The following VDAC1 variants were observed in gnomAD, a reference collection of about 807,000 sequenced individuals.
VDAC1 encodes the protein voltage dependent anion channel 1.
VDAC1 carries 10 observed loss-of-function variants against 34.7 expected under a neutral mutation model. The observed-to-expected ratio is 0.29, with a 90% confidence interval of 0.18 to 0.49. VDAC1 has a LOEUF of 0.49. Among genes scored for constraint, VDAC1 ranks in the 20% least tolerant of loss-of-function variants. VDAC1 has a pLI of 0.99. For missense variants in VDAC1, 230 were observed against 347.9 expected, an observed-to-expected ratio of 0.66 and a Z score of 2.69; for synonymous variants, 130 against 136.0, an observed-to-expected ratio of 0.96 and a Z score of 0.30.
the VDAC1 span, among the ~76,000 whole-genome samples, chr5:134,086,135 G>A: frequency 6.6e-6 from 1 of 152,216 alleles, no homozygotes; most frequent in African/African-American, 2.4e-5. Context: ...GGCAGAGGTT[G>A]CAGTGAGCCA....
At chr5:134,040,938 G>A in the VDAC1 span, among the ~76,000 whole-genome samples, 2 of 152,188 alleles carry the variant, frequency 1.3e-5, no homozygotes, top group Non-Finnish European at 1.5e-5. Context: ...AATTTTGTGT[G>A]TGTGTTTTTC....
the VDAC1 span, among the ~76,000 whole-genome samples, chr5:134,022,054 T>C: frequency 6.6e-6 from 1 of 152,140 alleles, no homozygotes; most frequent in Non-Finnish European, 1.5e-5. Context: ...TAGTTTTGTA[T>C]TTTTAGTAGA....
chr5:133,993,601 A>G (rs972581061), intron 1 of VDAC1, among the ~76,000 whole-genome samples: 1 of 152,246 alleles, frequency 6.6e-6, no homozygotes, highest in Non-Finnish European at 1.5e-5. Flanking sequence ...TATTTCTCAT[A>G]GAGAATACAG....
the VDAC1 span, among the ~76,000 whole-genome samples, chr5:134,102,142 C>T: frequency 2.0e-5 from 3 of 152,144 alleles, no homozygotes; most frequent in East Asian, 1.9e-4. Context: ...TTGAGAGGCA[C>T]GGCCCCTTCC....
At chr5:134,024,477 C>T in the VDAC1 span, among the ~76,000 whole-genome samples, 1 of 147,880 alleles carries the variant, frequency 6.8e-6, no homozygotes, top group Admixed American at 6.8e-5. Context: ...TGCAGTGAGC[C>T]GAGCTTGCAC....
the VDAC1 span, among the ~76,000 whole-genome samples, chr5:134,048,204 G>A: frequency 8.5e-5 from 13 of 152,070 alleles, no homozygotes; most frequent in East Asian, 1.7e-3. Context: ...TCCTGACCTC[G>A]TGATCTGCCT....
the VDAC1 span, among the ~76,000 whole-genome samples, chr5:134,032,131 A>AAAAAAAAAAAAAAAAAAAAAAAAAAC: frequency 6.8e-6 from 1 of 147,328 alleles, no homozygotes; most frequent in African/African-American, 2.5e-5. Flanking sequence ...TCACAAAAAA[A>AAAAAAAAAAAAAAAAAAAAAAAAAAC]AAAAAAAAAA....
chr5:134,017,323 G>A, the VDAC1 span, among the ~76,000 whole-genome samples: 11 of 152,198 alleles, frequency 7.2e-5, no homozygotes, highest in East Asian at 1.9e-4. Flanking sequence ...AAAATTAGCC[G>A]GGCGTAGTGG....
At chr5:134,068,557 T>C in the VDAC1 span, among the ~76,000 whole-genome samples, 1 of 152,198 alleles carries the variant, frequency 6.6e-6, no homozygotes. Context: ...ATGAGAAGGC[T>C]GTTTACTTAT....
chr5:134,107,882 G>A, the VDAC1 span, among the ~76,000 whole-genome samples: 4 of 152,216 alleles, frequency 2.6e-5, no homozygotes, highest in African/African-American at 9.7e-5. Context: ...CTCCAGGAAG[G>A]AGGTGGCTTG....
the VDAC1 span, chr5:134,081,948 C>CT: frequency 0.12 from 19,419 of 160,000 alleles, 1,446 homozygotes; most frequent in Non-Finnish European, 0.17. Context: ...GCATCAAGTC[C>CT]TTTTTTTTAG....
chr5:134,058,880 T>C, the VDAC1 span, among the ~76,000 whole-genome samples: 98,026 of 152,052 alleles, frequency 0.64, 32,180 homozygotes, highest in East Asian at 0.8. Context: ...CAGCAGACAG[T>C]CCCTGGCCCC....
the VDAC1 span, among the ~76,000 whole-genome samples, chr5:134,089,677 TGGTGGCTCATGGCCGGGTGC>T: frequency 0.14 from 21,025 of 150,364 alleles, 2,354 homozygotes; most frequent in African/African-American, 0.31. Context: ...TGGCCGGGTG[TGGTGGCTCATGGCCGGGTGC>T]GGTGGCTCAT....
chr5:134,110,481 CAT>C, the VDAC1 span, among the ~76,000 whole-genome samples: 1 of 152,236 alleles, frequency 6.6e-6, no homozygotes, highest in Non-Finnish European at 1.5e-5. Context: ...CATGCACACA[CAT>C]GGACACACAC....
At chr5:133,988,186 A>C (rs1752972576) in intron 5 of VDAC1, among the ~76,000 whole-genome samples, 1 of 152,212 alleles carries the variant, frequency 6.6e-6, no homozygotes, top group Non-Finnish European at 1.5e-5. Flanking sequence ...TAGTTACGTA[A>C]ACCATTAACA....
the VDAC1 span, among the ~76,000 whole-genome samples, chr5:134,067,414 G>C: frequency 9.4e-6 from 1 of 106,220 alleles, no homozygotes; most frequent in Non-Finnish European, 1.7e-5. Flanking sequence ...TAGCAGGTTA[G>C]AAGTTACATA....
the VDAC1 span, among the ~76,000 whole-genome samples, chr5:134,078,544 T>C: frequency 6.6e-6 from 1 of 151,554 alleles, no homozygotes; most frequent in East Asian, 1.9e-4. Context: ...TTCTGACAGA[T>C]GGAAGGCCAC....
At chr5:134,090,300 T>C in the VDAC1 span, among the ~76,000 whole-genome samples, 2 of 152,324 alleles carry the variant, frequency 1.3e-5, no homozygotes, top group South Asian at 4.1e-4. Context: ...ACGCCTGGCG[T>C]TTCTCCTCTT....
chr5:134,113,562 G>A, the VDAC1 span, among the ~76,000 whole-genome samples: 3 of 152,230 alleles, frequency 2.0e-5, no homozygotes, highest in African/African-American at 7.2e-5. Context: ...ACTGCTCTCA[G>A]AAGAGGCGTG....
Sources: allele counts gnomAD v4.1 joint callset (sites outside exome capture counted in the v4.1 genomes callset), GRCh38; gene constraint gnomAD v4.1.1; transcripts MANE v1.5; gene names NCBI Gene and HGNC (gene_info 2026-07-23, HGNC 2026-07-21).